Variants in PTPRN2 observed in about 807,000 individuals in gnomAD.
PTPRN2 encodes the protein protein tyrosine phosphatase receptor type N2, also known as receptor-type tyrosine-protein phosphatase N2.
A neutral mutation model predicts 118.8 loss-of-function variants in PTPRN2; 74 were observed. That is an observed-to-expected ratio of 0.62 (90% confidence interval 0.52 to 0.76). PTPRN2 has a LOEUF of 0.76. Among genes scored for constraint, PTPRN2 ranks in the 30% least tolerant of loss-of-function variants. PTPRN2 has a pLI of 0.00. For synonymous variants in PTPRN2, 641 were observed against 608.0 expected (o/e 1.05, Z -0.80); for missense variants, 1,481 against 1,394.4 (o/e 1.06, Z -0.99).
At chr7:158,313,015 C>T (rs1563121637) in intron 3 of PTPRN2, among the ~76,000 whole-genome samples, 1 of 150,508 alleles carries the variant, frequency 6.6e-6, no homozygotes, top group African/African-American at 2.5e-5. Context: ...CAGGTGTGTG[C>T]GTGTGTGGGT....
At chr7:158,416,256 T>C (rs1034599418) in intron 2 of PTPRN2, among the ~76,000 whole-genome samples, 4 of 152,214 alleles carry the variant, frequency 2.6e-5, no homozygotes, top group African/African-American at 9.7e-5. Flanking sequence ...GGGACAACTG[T>C]GGTGGATGAT....
rs1803866250 is a variant in PTPRN2 at position 157,784,170 on chromosome 7, G to A, written c.1789-101233C>T. ...GTGGGCAGGGCACAGGCAGCTCAAC[G>A]TTAGGCCAGGGACCAATCTTACCAC... On this transcript the variant is annotated intron_variant, in intron 12 of 22. Coordinates refer to ENST00000389418, the MANE Select transcript of PTPRN2 (RefSeq NM_002847.5). This position sits in a 1 kb window ranked among gnomAD's most constrained non-coding sequence, Gnocchi z 4.6. 1.3e-5 allele frequency among the ~76,000 whole-genome samples: 2 copies of A among 152,132 alleles called. No individual in the cohort carries two copies. Among genetic ancestry groups the A allele is most frequent in the African/African-American group, 2.4e-5 (1 of 41,430 alleles).
rs545928146 is a variant in PTPRN2 at position 157,908,609 on chromosome 7, C to T, written c.1724-9872G>A. 9.8e-5 allele frequency among the ~76,000 whole-genome samples: 15 copies of T among 152,290 alleles called. No individual in the cohort carries two copies. The South Asian group carries it at 1.9e-3, about 19-fold the overall frequency. ...ATCCCTTTCACTTTTCCACGTCTGT[C>T]GAGACAGGACATGCATGACTCACGC... On this transcript the variant is annotated intron_variant, in intron 11 of 22. Transcript: ENST00000389418.
In PTPRN2 at chr7:158,170,906, G is replaced by A. The variant is rs777810108; in HGVS notation, c.550-3615C>T. On this transcript the variant is annotated intron_variant, in intron 5 of 22. Transcript: ENST00000389418. The stretch of plus-strand genomic sequence containing the variant: ...GGATAATAATAATAGTATCTGGCAC[G>A]GAAGTGTTAATGGCTATGACTACTA... Among the ~76,000 whole-genome samples the A allele has an allele frequency of 4.6e-5, 7 of 151,522 alleles. No individual in the cohort carries two copies. In the East Asian group the frequency reaches 5.8e-4, roughly 13 times the overall value.
chr7:157,701,695 T>C (rs1209786657), intron 12 of PTPRN2, among the ~76,000 whole-genome samples: 1 of 152,224 alleles, frequency 6.6e-6, no homozygotes, highest in Non-Finnish European at 1.5e-5. Flanking sequence ...CGGTTCTAGG[T>C]ATGAAAGCTT....
chr7:158,480,394 C>G (rs1820570547), intron 2 of PTPRN2, among the ~76,000 whole-genome samples: 1 of 152,190 alleles, frequency 6.6e-6, no homozygotes, highest in South Asian at 2.1e-4. Context: ...CAGCCATTCT[C>G]CCATCTCGCT....
chr7:158,032,330 C>T (rs1330209030), intron 11 of PTPRN2, among the ~76,000 whole-genome samples: 1 of 152,298 alleles, frequency 6.6e-6, no homozygotes, highest in Non-Finnish European at 1.5e-5. Context: ...AGAGACAGCA[C>T]AGCCCCTGGC....
intron 2 of PTPRN2, among the ~76,000 whole-genome samples, chr7:158,337,776 C>T (rs866084375): frequency 2.7e-4 from 19 of 70,148 alleles, no homozygotes; most frequent in South Asian, 7.2e-4. Flanking sequence ...GCAAACGTCA[C>T]TCACACCCAC....
chr7:157,572,450 A>G (rs769126691), intron 19 of PTPRN2, among the ~76,000 whole-genome samples: 1 of 152,236 alleles, frequency 6.6e-6, no homozygotes, highest in Non-Finnish European at 1.5e-5. Flanking sequence ...AGCACCAAAG[A>G]GTCCGTGGAA....
At chr7:158,073,205 T>G (rs1812076188) in intron 11 of PTPRN2, among the ~76,000 whole-genome samples, 3 of 152,232 alleles carry the variant, frequency 2.0e-5, no homozygotes, top group African/African-American at 7.2e-5. Flanking sequence ...CTACTGCTTC[T>G]GTCGAGTTGC....
In PTPRN2 at chr7:158,281,764, A is replaced by G. The variant is rs147693112; in HGVS notation, c.277+35055T>C. The stretch of plus-strand genomic sequence containing the variant: ...GGAGCCAGGAGAGCCCAAAATCCCC[A>G]TCCATGCTCCTAGAAAGGAAGTTTC... On this transcript the variant is annotated intron_variant, in intron 3 of 22. Transcript: ENST00000389418. Among the ~76,000 whole-genome samples, 30 of 152,262 alleles carry G rather than the reference A, an allele frequency of 2.0e-4. No homozygotes were observed. In the East Asian group the frequency reaches 5.0e-3, roughly 25 times the overall value.
chr7:157,994,225 C>A (rs1461118082), intron 11 of PTPRN2, among the ~76,000 whole-genome samples: 1 of 152,180 alleles, frequency 6.6e-6, no homozygotes, highest in Non-Finnish European at 1.5e-5. Context: ...GTGACTCGCT[C>A]TGAGCCACTT....
intron 3 of PTPRN2, among the ~76,000 whole-genome samples, chr7:158,304,288 C>A (rs1801112234): frequency 1.3e-5 from 2 of 151,372 alleles, no homozygotes; most frequent in South Asian, 4.2e-4. Context: ...AAGATGTACA[C>A]AGGCTTGGAT....
chr7:157,568,883 G>C lies in PTPRN2; in HGVS notation c.2902+19C>G, dbSNP rs1218847531. The C allele has an allele frequency of 6.5e-7, 1 of 1,538,492 alleles. No individual in the cohort carries two copies. Among genetic ancestry groups the C allele is most frequent in the Non-Finnish European group, 9.0e-7 (1 of 1,111,508 alleles). ...TCCCAGCTCTGAGCCGCAACAAAGC[G>C]GCAGTGTCTGTGTCTCACCTTTGGC... On this transcript the variant is annotated intron_variant, in intron 21 of 22. Coordinates refer to ENST00000389418, the MANE Select transcript of PTPRN2 (RefSeq NM_002847.5).
intron 21 of PTPRN2, among the ~76,000 whole-genome samples, chr7:157,557,552 C>CCCCACACACA (rs139001071): frequency 1.3e-5 from 2 of 149,626 alleles, no homozygotes; most frequent in East Asian, 4.0e-4. Context: ...ACACACACTC[C>CCCCACACACA]CACACACACA....
chr7:158,189,138 G>A (rs73173689), intron 5 of PTPRN2, among the ~76,000 whole-genome samples: 35,214 of 152,184 alleles, frequency 0.23, 4,321 homozygotes, highest in Non-Finnish European at 0.28. Context: ...CACTCTCAAC[G>A]AGTTCCTGCA....
intron 11 of PTPRN2, among the ~76,000 whole-genome samples, chr7:158,024,319 A>G (rs1807113899): frequency 6.6e-6 from 1 of 152,234 alleles, no homozygotes; most frequent in Admixed American, 6.5e-5. Flanking sequence ...ACCTACAGTC[A>G]GTTCCTTCCA....
At chr7:158,142,488 C>T (rs148747999) in intron 6 of PTPRN2, among the ~76,000 whole-genome samples, 23 of 152,340 alleles carry the variant, frequency 1.5e-4, no homozygotes, top group South Asian at 1.2e-3. Flanking sequence ...TCGGGCTTGC[C>T]GTCCTAAATC....
chr7:157,872,397 CCCCACACACATACCCAGTGTCTTT>C lies in PTPRN2; in HGVS notation c.1788+26252_1788+26275del, dbSNP rs1272136376. Among the ~76,000 whole-genome samples, 83 of 145,622 alleles carry C rather than the reference CCCCACACACATACCCAGTGTCTTT, an allele frequency of 5.7e-4. 1 individual carries two copies. The highest frequency in any genetic ancestry group is 1.9e-3 in the African/African-American group (75 of 38,900). On this transcript the variant is annotated intron_variant, in intron 12 of 22. Transcript: ENST00000389418. ...CCCACACACATACCCAGTGTCCTCC[CCCCACACACATACCCAGTGTCTTT>C]CCCACACACACATACCCAGTGTCCT...
Sources: allele counts gnomAD v4.1 joint callset (sites outside exome capture counted in the v4.1 genomes callset), GRCh38; gene constraint gnomAD v4.1.1; non-coding constraint Gnocchi (gnomAD v3.1); transcripts MANE v1.5; gene names NCBI Gene and HGNC (gene_info 2026-07-23, HGNC 2026-07-21).